SLC8A2: variants seen among roughly 807,000 people sequenced by gnomAD.
The protein encoded by SLC8A2 is sodium/calcium exchanger 2.
A neutral mutation model predicts 70.2 loss-of-function variants in SLC8A2; 14 were observed. The observed-to-expected ratio is 0.20, with a 90% CI of 0.13 to 0.31. The LOEUF (loss-of-function observed/expected upper bound fraction) is 0.31. Among genes scored for constraint, SLC8A2 ranks in the 10% least tolerant of loss-of-function variants. SLC8A2 has a pLI of 1.00. For synonymous variants in SLC8A2, 575 were observed against 594.3 expected (o/e 0.97, Z 0.47); for missense variants, 779 against 1,320.1 (o/e 0.59, Z 6.35).
chr19:47,466,460 C>A lies in SLC8A2; in HGVS notation c.-16-41G>T. 1.5e-6 allele frequency: 1 copy of A among 689,262 alleles called. No homozygotes were observed. The highest frequency in any genetic ancestry group is 2.4e-6 in the Non-Finnish European group (1 of 419,690). The allele number at this position is 689,262 out of a possible 1,614,324, so 42.7% of individuals were successfully genotyped here. On this transcript the variant is annotated intron_variant, in intron 1 of 9. Transcript: ENST00000236877. The surrounding 1 kb of genome is among the most constrained non-coding windows in gnomAD (Gnocchi z 6.9). Reference sequence around the variant, plus strand: ...AGGAGGTCTGGGTGAGGGAAGCAAACCTCTTTCTGTCATACAAAGGTCAAA... The same window carrying A: ...AGGAGGTCTGGGTGAGGGAAGCAAAACTCTTTCTGTCATACAAAGGTCAAA...
At chr19:47,436,855 G>A (rs951168744) in intron 8 of SLC8A2, among the ~76,000 whole-genome samples, 1 of 152,206 alleles carries the variant, frequency 6.6e-6, no homozygotes, top group East Asian at 1.9e-4. Flanking sequence ...GTGGTGACCC[G>A]CGCAGGTAGG....
At position 47,428,799 on chromosome 19, in the gene SLC8A2, A is replaced by G. The variant is rs929523875; in HGVS notation, c.*1290T>C. ...TGTTGGGGCTGAGCACAACAGGACGATAGAATGCTGAAAACCTGTGGGAAG... is the reference window on the plus strand; with the variant it reads ...TGTTGGGGCTGAGCACAACAGGACGGTAGAATGCTGAAAACCTGTGGGAAG... On this transcript the variant is annotated 3_prime_UTR_variant, in exon 10 of 10. Transcript: ENST00000236877. 1 of 152,582 alleles carries G rather than the reference A, an allele frequency of 6.6e-6. No homozygotes were observed. Among genetic ancestry groups the G allele is most frequent in the African/African-American group, 2.4e-5 (1 of 41,406 alleles). The allele number at this position is 152,582 out of a possible 1,614,324, so 9.5% of individuals were successfully genotyped here. A position where few individuals can be genotyped will look rare whatever the true frequency, so the allele number is the denominator to read the frequency against.
In SLC8A2 at chr19:47,466,452, G is replaced by T. The variant is rs1967463216; in HGVS notation, c.-16-33C>A. 5 of 719,792 alleles carry T rather than the reference G, an allele frequency of 6.9e-6. No homozygotes were observed. The highest frequency in any genetic ancestry group is 9.0e-6 in the Non-Finnish European group (4 of 446,914). The allele number at this position is 719,792 out of a possible 1,614,324, so 44.6% of individuals were successfully genotyped here. A position where few individuals can be genotyped will look rare whatever the true frequency, so the allele number is the denominator to read the frequency against. On this transcript the variant is annotated intron_variant, in intron 1 of 9. Transcript: ENST00000236877. This position sits in a 1 kb window ranked among gnomAD's most constrained non-coding sequence, Gnocchi z 6.9. ...GGAGGAGGAGGAGGTCTGGGTGAGG[G>T]AAGCAAACCTCTTTCTGTCATACAA... is the stretch of plus-strand genomic sequence containing the variant.
chr19:47,430,580 G>A lies in SLC8A2; in HGVS notation c.2390-115C>T, dbSNP rs1311609712. 2.3e-5 allele frequency: 27 copies of A among 1,169,950 alleles called. No individual in the cohort carries two copies. In the East Asian group the frequency reaches 6.7e-4, roughly 29 times the overall value. The allele number at this position is 1,169,950 out of a possible 1,614,324, so 72.5% of individuals were successfully genotyped here. On this transcript the variant is annotated intron_variant, in intron 9 of 9. Transcript: ENST00000236877. This position sits in a 1 kb window ranked among gnomAD's most constrained non-coding sequence, Gnocchi z 5.9. ...TCGCCTGCTTTCTGCGGGCAGTGTG[G>A]GCTCAAGACCCCTGACCCCCACCCA...
intron 2 of SLC8A2, among the ~76,000 whole-genome samples, chr19:47,458,572 C>T (rs866816354): frequency 2.7e-4 from 40 of 148,194 alleles, no homozygotes; most frequent in African/African-American, 1.0e-3. Context: ...CCTCTTGTCT[C>T]TGTTCATCTC....
intron 2 of SLC8A2, among the ~76,000 whole-genome samples, chr19:47,458,320 C>T (rs1360883296): frequency 7.1e-6 from 1 of 141,134 alleles, no homozygotes; most frequent in African/African-American, 2.6e-5. Context: ...CCATCTCAAT[C>T]TCTGTTCATC....
At chr19:47,437,593 G>GCCC in intron 7 of SLC8A2, 32 bp from the exon 8 acceptor site, 1 of 1,511,062 alleles carries the variant, frequency 6.6e-7, no homozygotes, top group Non-Finnish European at 9.2e-7. Context: ...AGAGGTCACT[G>GCCC]CCCCTGAGCG....
rs1017598182 is a variant in SLC8A2, at chr19:47,428,399, A to T, written c.*1690T>A. ...GGAGGTGCGTGGCTTGTGGAAGCCC[A>T]TGACTGATGGATGGGGGTGTGGCTA... is the stretch of plus-strand genomic sequence containing the variant. On this transcript the variant is annotated 3_prime_UTR_variant, in exon 10 of 10. Transcript: ENST00000236877. 1 of 143,896 alleles carries T rather than the reference A, an allele frequency of 6.9e-6. No individual in the cohort carries two copies. The highest frequency in any genetic ancestry group is 1.5e-5 in the Non-Finnish European group (1 of 66,456). 8.9% of individuals were successfully genotyped at this position (143,896 alleles called of 1,614,324 possible).
chr19:47,464,911 G>C (rs966707065), intron 2 of SLC8A2, among the ~76,000 whole-genome samples: 2 of 152,200 alleles, frequency 1.3e-5, no homozygotes, highest in Admixed American at 6.5e-5. Context: ...TGAGCGAAAG[G>C]CTAATGATTA....
At chr19:47,439,776 G>A (rs1967078200) in intron 6 of SLC8A2, among the ~76,000 whole-genome samples, 3 of 151,936 alleles carry the variant, frequency 2.0e-5, no homozygotes, top group Middle Eastern at 3.2e-3. Context: ...TGATTCTCCT[G>A]CCTTAGGCTC....
rs1184170549 is a variant in SLC8A2 at position 47,448,278 on chromosome 19, C to T, written c.1341-47G>A. ...GAAGAGCGGGGTGAGGGTCGGTCAT[C>T]GGCTGTGTGTTGTACGGGGGGAGTC... On this transcript the variant is annotated intron_variant, in intron 3 of 9. Transcript: ENST00000236877. The surrounding 1 kb of genome is among the most constrained non-coding windows in gnomAD (Gnocchi z 4.8). 2 of 1,476,574 alleles carry T rather than the reference C, an allele frequency of 1.4e-6. No homozygotes were observed. Among genetic ancestry groups the T allele is most frequent in the East Asian group, 2.3e-5 (1 of 43,840 alleles). The allele number at this position is 1,476,574 out of a possible 1,614,324, so 91.5% of individuals were successfully genotyped here.
chr19:47,462,590 T>A (rs947539806), intron 2 of SLC8A2, among the ~76,000 whole-genome samples: 1 of 148,704 alleles, frequency 6.7e-6, no homozygotes, highest in Non-Finnish European at 1.5e-5. Flanking sequence ...AAATTTCTTT[T>A]TTTTTTTTTT....
intron 8 of SLC8A2, among the ~76,000 whole-genome samples, chr19:47,435,694 G>A (rs1967020203): frequency 1.3e-5 from 2 of 152,052 alleles, no homozygotes; most frequent in African/African-American, 2.4e-5. Context: ...GATTACAGGC[G>A]CAGGCCACCA....
Position 47,465,719 on chromosome 19 carries a change from CTT to C in SLC8A2, c.675+8_675+9del. The C allele has an allele frequency of 6.2e-7, 1 of 1,600,098 alleles. No homozygotes were observed. Among genetic ancestry groups the C allele is most frequent in the Non-Finnish European group, 8.5e-7 (1 of 1,171,200 alleles). On this transcript the variant is annotated splice_region_variant and intron_variant, in intron 2 of 9. Transcript: ENST00000236877. This position sits in a 1 kb window ranked among gnomAD's most constrained non-coding sequence, Gnocchi z 5.5. The stretch of plus-strand genomic sequence containing the variant: ...ATGCACCAAGAAAGCATCTATGCGT[CTT>C]TGCTCACCTGGACCACACCGGGGGA...
intron 1 of SLC8A2, among the ~76,000 whole-genome samples, chr19:47,467,854 A>AAAAAAAAAC: frequency 6.7e-6 from 1 of 150,156 alleles, no homozygotes; most frequent in Non-Finnish European, 1.5e-5. Flanking sequence ...AAAAAAAAAA[A>AAAAAAAAAC]AAAAAAGCCA....
chr19:47,429,947 CA>C lies in SLC8A2; in HGVS notation c.*141del, dbSNP rs1443920459. On this transcript the variant is annotated 3_prime_UTR_variant, in exon 10 of 10. Transcript: ENST00000236877. ...GGACACAGAACAGGGCAATCAAAGC[CA>C]GGGGAGGGGGCGGAGAAGGGAGGCC... 1.2e-6 allele frequency: 1 copy of C among 800,220 alleles called. No homozygotes were observed. The highest frequency in any genetic ancestry group is 1.9e-6 in the Non-Finnish European group (1 of 518,472). 49.6% of individuals were successfully genotyped at this position (800,220 alleles called of 1,614,324 possible).
chr19:47,450,112 G>C (rs953767770), intron 3 of SLC8A2, among the ~76,000 whole-genome samples: 2 of 152,128 alleles, frequency 1.3e-5, no homozygotes, highest in African/African-American at 4.8e-5. Context: ...GGGATATTAA[G>C]AAATCTTGAA....
chr19:47,439,481 C>T (rs1045115848), intron 6 of SLC8A2, among the ~76,000 whole-genome samples: 19 of 152,118 alleles, frequency 1.2e-4, no homozygotes, highest in East Asian at 3.9e-4. Context: ...TGCCATGAGC[C>T]GAGATCGCAC....
chr19:47,429,251 C>G lies in SLC8A2; in HGVS notation c.*838G>C, dbSNP rs1966917067. ...CCCTCTCAAAAGTTGTCTGTCACCC[C>G]CTTTTCCCAAGACATGCACCCTCCC... On this transcript the variant is annotated 3_prime_UTR_variant, in exon 10 of 10. Transcript: ENST00000236877. 6.6e-6 allele frequency: 1 copy of G among 152,642 alleles called. No individual in the cohort carries two copies. The highest frequency in any genetic ancestry group is 1.5e-5 in the Non-Finnish European group (1 of 68,138). 9.5% of individuals were successfully genotyped at this position (152,642 alleles called of 1,614,324 possible). A position where few individuals can be genotyped will look rare whatever the true frequency, so the allele number is the denominator to read the frequency against.
Sources: gnomAD v4.1 joint callset for allele counts (sites outside exome capture counted in the v4.1 genomes callset) on GRCh38, gnomAD v4.1.1 for gene constraint, Gnocchi (gnomAD v3.1) non-coding constraint, MANE v1.5 for transcripts, NCBI Gene and HGNC (gene_info 2026-07-23, HGNC 2026-07-21) for gene names.